PPP1R12B: variants seen among roughly 807,000 people sequenced by gnomAD.
PPP1R12B encodes protein phosphatase 1 regulatory subunit 12B, also known as myosin phosphatase target subunit 2.
In PPP1R12B, 76 loss-of-function variants were observed where a neutral mutation model predicts 126.1. The ratio of observed to expected loss-of-function variants is 0.60; its 90% CI spans 0.50 to 0.73. The LOEUF (loss-of-function observed/expected upper bound fraction) is 0.73, where lower values mean the gene tolerates loss of function less well. PPP1R12B is among the 30% of genes least tolerant of loss of function. The pLI is 0.00. For missense variants in PPP1R12B, 1,052 were observed against 1,205.1 expected (o/e 0.87, Z 1.88); for synonymous variants, 356 against 434.7 (o/e 0.82, Z 2.25).
Position 202,580,449 on chromosome 1 carries a change from C to A in PPP1R12B, c.2863-25C>A. On this transcript the variant is annotated intron_variant, in intron 23 of 23. Transcript: ENST00000608999. ...AGGAGGATCCTGCCAGGCTCTAACT[C>A]ACCTTTCCCTCTGTCACCCTACAGG... The A allele has an allele frequency of 1.9e-6, 3 of 1,596,554 alleles. No individual in the cohort carries two copies. The African/African-American group carries it at 4.0e-5, about 21-fold the overall frequency.
At chr1:202,395,478 C>T (rs1400935905) in intron 1 of PPP1R12B, among the ~76,000 whole-genome samples, 1 of 152,224 alleles carries the variant, frequency 6.6e-6, no homozygotes, top group Non-Finnish European at 1.5e-5. Context: ...AATCATCCAA[C>T]ATTCACTTGG....
intron 1 of PPP1R12B, among the ~76,000 whole-genome samples, chr1:202,400,783 A>G (rs973576262): frequency 2.0e-5 from 3 of 152,202 alleles, no homozygotes; most frequent in African/African-American, 7.2e-5. Flanking sequence ...CATTTTATAG[A>G]TGGGGTAACT....
intron 13 of PPP1R12B, among the ~76,000 whole-genome samples, chr1:202,482,934 A>G (rs1362172790): frequency 6.6e-6 from 1 of 152,184 alleles, no homozygotes; most frequent in Non-Finnish European, 1.5e-5. Context: ...GGTGAGAGGT[A>G]GGGATTTACT....
At chr1:202,477,820 G>A (rs1676860722) in intron 13 of PPP1R12B, among the ~76,000 whole-genome samples, 1 of 152,208 alleles carries the variant, frequency 6.6e-6, no homozygotes, top group South Asian at 2.1e-4. Flanking sequence ...CACTGATGGT[G>A]TAATCTCAAT....
chr1:202,530,132 C>G (rs960011271), intron 18 of PPP1R12B, among the ~76,000 whole-genome samples: 11 of 152,076 alleles, frequency 7.2e-5, no homozygotes, highest in African/African-American at 2.7e-4. Context: ...CTGATCAGTT[C>G]AAGCATTTTT....
intron 1 of PPP1R12B, among the ~76,000 whole-genome samples, chr1:202,381,689 G>A (rs1213548779): frequency 6.6e-6 from 1 of 152,154 alleles, no homozygotes; most frequent in African/African-American, 2.4e-5. Context: ...AATGGCCTAA[G>A]GAAAGGATAT....
intron 23 of PPP1R12B, among the ~76,000 whole-genome samples, chr1:202,578,919 T>C (rs1689338348): frequency 6.6e-6 from 1 of 152,230 alleles, no homozygotes; most frequent in African/African-American, 2.4e-5. Flanking sequence ...TTGTTTTCCA[T>C]CCCACGTGTA....
Position 202,508,745 on chromosome 1 carries a change from G to A in PPP1R12B, c.2490+11923G>A, listed in dbSNP as rs180920985. Among the ~76,000 whole-genome samples, 343 of 152,314 alleles carry A rather than the reference G, an allele frequency of 2.3e-3. 1 individual carries two copies. The highest frequency in any genetic ancestry group is 7.4e-3 in the Admixed American group (113 of 15,304). Reference sequence around the variant, plus strand: ...GTATAGCTACTACTTGCTGGCTGTTGTGAAGAGTCAACACTCTGCCTTTCT... The same window carrying A: ...GTATAGCTACTACTTGCTGGCTGTTATGAAGAGTCAACACTCTGCCTTTCT... On this transcript the variant is annotated intron_variant, in intron 18 of 23. Coordinates refer to ENST00000608999, the MANE Select transcript of PPP1R12B (RefSeq NM_002481.4). The surrounding 1 kb of genome is among the most constrained non-coding windows in gnomAD (Gnocchi z 4.5).
chr1:202,384,714 C>T (rs1662856214), intron 1 of PPP1R12B, among the ~76,000 whole-genome samples: 2 of 152,212 alleles, frequency 1.3e-5, no homozygotes, highest in East Asian at 1.9e-4. Flanking sequence ...ATGTTGATTA[C>T]ATCTCAATGA....
At chr1:202,439,598 C>T (rs1480718686) in intron 10 of PPP1R12B, 3 of 1,089,488 alleles carry the variant, frequency 2.8e-6, no homozygotes, top group African/African-American at 3.1e-5. Flanking sequence ...CCCCTCTGTA[C>T]ACCATGGACC....
At chr1:202,523,079 C>T (rs188574091) in intron 18 of PPP1R12B, among the ~76,000 whole-genome samples, 105 of 152,234 alleles carry the variant, frequency 6.9e-4, no homozygotes, top group Non-Finnish European at 1.2e-3. Flanking sequence ...ACACATAGGG[C>T]GTGTGTATTG....
At chr1:202,446,256 A>ATATATATATATTTTTT (rs376183502) in intron 12 of PPP1R12B, among the ~76,000 whole-genome samples, 18 of 54,340 alleles carry the variant, frequency 3.3e-4, no homozygotes, top group South Asian at 1.0e-3. Context: ...ATATATATAT[A>ATATATATATATTTTTT]TTTTTTTTTT....
intron 1 of PPP1R12B, among the ~76,000 whole-genome samples, chr1:202,388,266 C>T (rs1663496987): frequency 6.6e-6 from 1 of 152,210 alleles, no homozygotes. Flanking sequence ...TCACTGCAAG[C>T]TCTGCCTCCT....
intron 15 of PPP1R12B, among the ~76,000 whole-genome samples, chr1:202,493,613 GTTTAC>G (rs984000646): frequency 1.3e-5 from 2 of 152,142 alleles, no homozygotes; most frequent in African/African-American, 2.4e-5. Flanking sequence ...TATATTGAGT[GTTTAC>G]TTTACTCAAT....
intron 18 of PPP1R12B, among the ~76,000 whole-genome samples, chr1:202,514,962 A>G (rs887688085): frequency 7.2e-5 from 11 of 152,242 alleles, no homozygotes. Flanking sequence ...CTATGCAGCC[A>G]TAAAAAAGAG....
At chr1:202,353,511 TG>T (rs1189840972) in intron 1 of PPP1R12B, among the ~76,000 whole-genome samples, 1 of 151,888 alleles carries the variant, frequency 6.6e-6, no homozygotes, top group Admixed American at 6.6e-5. Context: ...TTTGTCTGTG[TG>T]GTTTTTTTTT....
At chr1:202,402,196 G>A (rs1268743926) in intron 1 of PPP1R12B, among the ~76,000 whole-genome samples, 3 of 152,114 alleles carry the variant, frequency 2.0e-5, no homozygotes, top group African/African-American at 7.2e-5. Context: ...TTCTACTTTT[G>A]GAACATGAGG....
At chr1:202,569,764 A>G (rs1032970309) in intron 23 of PPP1R12B, among the ~76,000 whole-genome samples, 1 of 152,228 alleles carries the variant, frequency 6.6e-6, no homozygotes, top group African/African-American at 2.4e-5. Context: ...GAATAAGCTC[A>G]TGCCACCAGA....
intron 18 of PPP1R12B, among the ~76,000 whole-genome samples, chr1:202,518,168 C>T (rs1682369074): frequency 6.6e-6 from 1 of 152,192 alleles, no homozygotes; most frequent in Non-Finnish European, 1.5e-5. Flanking sequence ...GGATTTTATG[C>T]ACAGAAATTG....
Sources: allele counts gnomAD v4.1 joint callset (sites outside exome capture counted in the v4.1 genomes callset), GRCh38; gene constraint gnomAD v4.1.1; non-coding constraint Gnocchi (gnomAD v3.1); transcripts MANE v1.5; gene names NCBI Gene and HGNC (gene_info 2026-07-23, HGNC 2026-07-21).